Variants in PCDH9 observed in about 807,000 individuals in gnomAD.
PCDH9 encodes protocadherin 9, also known as protocadherin-9.
A neutral mutation model predicts 70.6 loss-of-function variants in PCDH9; 24 were observed. That is an observed-to-expected ratio of 0.34 (90% confidence interval 0.25 to 0.48). The LOEUF (loss-of-function observed/expected upper bound fraction) is 0.48, where lower values mean the gene tolerates loss of function less well. Ranked by LOEUF, PCDH9 falls within the 20% of genes least tolerant of loss-of-function variation. PCDH9 has a pLI of 0.99. For synonymous variants in PCDH9, 562 were observed against 558.5 expected (o/e 1.01, Z -0.09); for missense variants, 1,281 against 1,503.6 (o/e 0.85, Z 2.45).
chr13:66,815,759 T>G (rs1231705774), intron 3 of PCDH9, among the ~76,000 whole-genome samples: 1 of 152,080 alleles, frequency 6.6e-6, no homozygotes, highest in East Asian at 1.9e-4. Flanking sequence ...AGGGCCTACT[T>G]GAGGCTGGAG....
At chr13:66,612,678 C>A (rs2077307170) in intron 4 of PCDH9, among the ~76,000 whole-genome samples, 1 of 152,102 alleles carries the variant, frequency 6.6e-6, no homozygotes, top group Admixed American at 6.6e-5. Flanking sequence ...ACCAGCCTGC[C>A]CACTGAAGGG....
chr13:66,404,072 T>C (rs1957236005), intron 4 of PCDH9, among the ~76,000 whole-genome samples: 1 of 152,324 alleles, frequency 6.6e-6, no homozygotes, highest in Non-Finnish European at 1.5e-5. Context: ...CATGGGTACG[T>C]TAACTATCAG....
At chr13:66,434,824 G>A (rs1387803395) in intron 4 of PCDH9, among the ~76,000 whole-genome samples, 1 of 151,772 alleles carries the variant, frequency 6.6e-6, no homozygotes, top group Non-Finnish European at 1.5e-5. Context: ...TAATGCTAAG[G>A]GTCTATAAGT....
intron 3 of PCDH9, among the ~76,000 whole-genome samples, chr13:66,890,435 G>A (rs2082076512): frequency 7.1e-6 from 1 of 141,720 alleles, no homozygotes. Flanking sequence ...CTTCCTAACT[G>A]TAGACTTCTG....
At chr13:66,834,137 T>C (rs1483447360) in intron 3 of PCDH9, among the ~76,000 whole-genome samples, 1 of 150,518 alleles carries the variant, frequency 6.6e-6, no homozygotes, top group African/African-American at 2.4e-5. Flanking sequence ...ATCCTGAATA[T>C]AATTTTATAT....
intron 4 of PCDH9, among the ~76,000 whole-genome samples, chr13:66,604,129 G>T (rs1166741319): frequency 6.6e-6 from 1 of 151,740 alleles, no homozygotes; most frequent in African/African-American, 2.4e-5. Context: ...CCATTCCTCC[G>T]CACTTGCAGA....
In PCDH9 at chr13:67,227,962, C is replaced by T. The variant is rs1478576410; in HGVS notation, c.479G>A (p.Arg160His). 3 of 1,613,902 alleles carry T rather than the reference C, an allele frequency of 1.9e-6. No individual in the cohort carries two copies. Among genetic ancestry groups the T allele is most frequent in the African/African-American group, 1.3e-5 (1 of 74,888 alleles). The change falls in exon 2 of 5, where the codon CGC (arginine) becomes CAC (histidine). Residue 160 changes from arginine to histidine, a missense_variant. Physicochemically the swap from Arg to His is conservative, Grantham distance 29. Transcript: ENST00000377865. This position sits in a 1 kb window ranked among gnomAD's most constrained non-coding sequence, Gnocchi z 4.6. ...SIPENTLINS[R>H]FPIPSATDPD... ...ATCTGTTGCTGATGGAATTGGAAAG[C>T]GGCTGTTGATCAAAGTGTTTTCTGG...
chr13:66,936,283 T>A (rs1362108750), intron 2 of PCDH9, among the ~76,000 whole-genome samples: 1 of 152,228 alleles, frequency 6.6e-6, no homozygotes, highest in Non-Finnish European at 1.5e-5. Context: ...GGATCTATAC[T>A]TTTCAGTTGT....
chr13:66,729,450 T>A (rs1389631968), intron 3 of PCDH9, among the ~76,000 whole-genome samples: 1 of 152,184 alleles, frequency 6.6e-6, no homozygotes, highest in Non-Finnish European at 1.5e-5. Context: ...GACATGTTCA[T>A]AAATTGTAAA....
intron 3 of PCDH9, among the ~76,000 whole-genome samples, chr13:66,644,974 T>C (rs1012523415): frequency 1.6e-4 from 24 of 152,120 alleles, no homozygotes; most frequent in Non-Finnish European, 3.4e-4. Context: ...AGATAGATGA[T>C]GGCACTTTGA....
chr13:66,797,215 C>A (rs1056312502), intron 3 of PCDH9, among the ~76,000 whole-genome samples: 2 of 151,960 alleles, frequency 1.3e-5, no homozygotes, highest in African/African-American at 4.8e-5. Flanking sequence ...GTATTCTAGA[C>A]CATTAGTTAG....
At chr13:67,091,516 T>G (rs1355182536) in intron 2 of PCDH9, among the ~76,000 whole-genome samples, 1 of 152,156 alleles carries the variant, frequency 6.6e-6, no homozygotes, top group Non-Finnish European at 1.5e-5. Flanking sequence ...AGATTTTAGC[T>G]TATATGCCCA....
chr13:66,775,699 CG>C (rs2079879743), intron 3 of PCDH9, among the ~76,000 whole-genome samples: 1 of 152,132 alleles, frequency 6.6e-6, no homozygotes, highest in Admixed American at 6.5e-5. Flanking sequence ...ATACATATAA[CG>C]TACACAATAT....
At chr13:66,701,288 C>G (rs1481231098) in intron 3 of PCDH9, among the ~76,000 whole-genome samples, 1 of 151,704 alleles carries the variant, frequency 6.6e-6, no homozygotes. Flanking sequence ...TACACACACA[C>G]GCACACACAC....
At chr13:66,537,745 T>G (rs1380561170) in intron 4 of PCDH9, among the ~76,000 whole-genome samples, 1 of 152,098 alleles carries the variant, frequency 6.6e-6, no homozygotes. Context: ...AAATAAATAT[T>G]TAATTCAGGA....
At chr13:66,466,013 A>C (rs1958507499) in intron 4 of PCDH9, among the ~76,000 whole-genome samples, 1 of 151,974 alleles carries the variant, frequency 6.6e-6, no homozygotes, top group Admixed American at 6.6e-5. Flanking sequence ...AATAAACTAA[A>C]CATTCTCACA....
At chr13:67,056,774 G>A (rs1447073105) in intron 2 of PCDH9, among the ~76,000 whole-genome samples, 1 of 152,092 alleles carries the variant, frequency 6.6e-6, no homozygotes, top group Non-Finnish European at 1.5e-5. Flanking sequence ...CTGGTACTTA[G>A]TGAGTGTCAG....
chr13:67,032,922 T>C (rs1215898575), intron 2 of PCDH9, among the ~76,000 whole-genome samples: 1 of 152,214 alleles, frequency 6.6e-6, no homozygotes, highest in African/African-American at 2.4e-5. Context: ...AAATCTGAGA[T>C]ACTGATTTCT....
At chr13:66,460,619 T>C (rs1174550696) in intron 4 of PCDH9, among the ~76,000 whole-genome samples, 2 of 151,914 alleles carry the variant, frequency 1.3e-5, no homozygotes, top group African/African-American at 2.4e-5. Context: ...TACTATAAGA[T>C]AGTTGAATTT....
Sources: allele counts gnomAD v4.1 joint callset (sites outside exome capture counted in the v4.1 genomes callset), GRCh38; gene constraint gnomAD v4.1.1; non-coding constraint Gnocchi (gnomAD v3.1); transcripts MANE v1.5; gene names NCBI Gene and HGNC (gene_info 2026-07-23, HGNC 2026-07-21).